The following SYT1 variants were observed in gnomAD, a reference collection of about 807,000 sequenced individuals.
The protein encoded by SYT1 is synaptotagmin-1.
A neutral mutation model predicts 44.8 loss-of-function variants in SYT1; 8 were observed. The observed-to-expected ratio is 0.18, with a 90% CI of 0.10 to 0.32. The LOEUF is 0.32. Ranked by LOEUF, SYT1 falls within the 10% of genes least tolerant of loss-of-function variation. SYT1 has a pLI of 1.00. For synonymous variants in SYT1, 154 were observed against 188.8 expected (o/e 0.82, Z 1.51); for missense variants, 286 against 509.3 (o/e 0.56, Z 4.22).
chr12:79,383,263 T>C (rs1407218772), intron 9 of SYT1, among the ~76,000 whole-genome samples: 1 of 152,220 alleles, frequency 6.6e-6, no homozygotes, highest in African/African-American at 2.4e-5. Context: ...AATATTATTG[T>C]ACTGAATATT....
chr12:78,929,312 G>A (rs531501873), intron 1 of SYT1, among the ~76,000 whole-genome samples: 3 of 145,478 alleles, frequency 2.1e-5, no homozygotes, highest in Non-Finnish European at 4.5e-5. Context: ...TGAGGCAGGA[G>A]AATTGCTTGA....
At chr12:79,061,985 A>G (rs1592712810) in intron 3 of SYT1, among the ~76,000 whole-genome samples, 1 of 152,162 alleles carries the variant, frequency 6.6e-6, no homozygotes, top group Non-Finnish European at 1.5e-5. Flanking sequence ...TAATTTTTTT[A>G]AAAAAGAATC....
At chr12:79,225,330 T>A (rs536003909) in intron 4 of SYT1, among the ~76,000 whole-genome samples, 1 of 152,238 alleles carries the variant, frequency 6.6e-6, no homozygotes, top group Non-Finnish European at 1.5e-5. Context: ...GAAGTTCAAG[T>A]TGATCTAAGA....
intron 1 of SYT1, among the ~76,000 whole-genome samples, chr12:78,910,312 C>T (rs1288283174): frequency 6.6e-6 from 1 of 151,926 alleles, no homozygotes; most frequent in Admixed American, 6.6e-5. Flanking sequence ...CCCTGACCTC[C>T]TTGCCTAGTT....
At chr12:79,350,994 C>G (rs936105090) in intron 8 of SYT1, among the ~76,000 whole-genome samples, 1 of 152,152 alleles carries the variant, frequency 6.6e-6, no homozygotes, top group Non-Finnish European at 1.5e-5. Context: ...ACTACACATT[C>G]AATTTGGCAT....
At chr12:79,141,891 T>G (rs905747365) in intron 3 of SYT1, among the ~76,000 whole-genome samples, 3 of 152,208 alleles carry the variant, frequency 2.0e-5, no homozygotes, top group Non-Finnish European at 4.4e-5. Flanking sequence ...AAACAGTGTA[T>G]GTCATTGGCT....
At chr12:79,106,212 C>T (rs920935268) in intron 3 of SYT1, among the ~76,000 whole-genome samples, 6 of 152,106 alleles carry the variant, frequency 3.9e-5, no homozygotes, top group African/African-American at 9.7e-5. Flanking sequence ...CTGCAGCTTT[C>T]AGATTGCCGG....
intron 9 of SYT1, among the ~76,000 whole-genome samples, chr12:79,367,624 G>A (rs548711801): frequency 4.6e-5 from 7 of 151,696 alleles, no homozygotes; most frequent in East Asian, 3.9e-4. Flanking sequence ...CTTTCCTCTC[G>A]ATGAAATTTC....
intron 1 of SYT1, among the ~76,000 whole-genome samples, chr12:78,939,136 A>G (rs1351351341): frequency 6.6e-6 from 1 of 152,218 alleles, no homozygotes; most frequent in African/African-American, 2.4e-5. Context: ...TAGTTTTTAA[A>G]AAAAATAAAA....
chr12:79,129,038 G>T (rs2138168134), intron 3 of SYT1, among the ~76,000 whole-genome samples: 1 of 152,232 alleles, frequency 6.6e-6, no homozygotes, highest in East Asian at 1.9e-4. Flanking sequence ...GTCATTTTAT[G>T]TTAGAGGAGC....
At chr12:79,304,375 C>G (rs35864773) in intron 8 of SYT1, among the ~76,000 whole-genome samples, 10,537 of 152,230 alleles carry the variant, frequency 0.069, 394 homozygotes, top group Non-Finnish European at 0.084. Flanking sequence ...TGTCCTAGCT[C>G]TGAATGCTGA....
At chr12:79,446,073 C>G (rs1016426229) in intron 10 of SYT1, among the ~76,000 whole-genome samples, 1 of 127,006 alleles carries the variant, frequency 7.9e-6, no homozygotes, top group Non-Finnish European at 1.6e-5. Flanking sequence ...TGTATGTAAT[C>G]TCATTTCATA....
At chr12:79,183,000 A>G (rs1592831477) in intron 3 of SYT1, among the ~76,000 whole-genome samples, 1 of 152,266 alleles carries the variant, frequency 6.6e-6, no homozygotes, top group South Asian at 2.1e-4. Context: ...AGTAAGAACC[A>G]AATGTGTTAT....
At chr12:79,040,718 T>G (rs938286784) in intron 2 of SYT1, among the ~76,000 whole-genome samples, 1 of 152,232 alleles carries the variant, frequency 6.6e-6, no homozygotes, top group Non-Finnish European at 1.5e-5. Context: ...TACTGAATGG[T>G]AATGCCTAAG....
At chr12:78,949,229 A>G (rs1471574577) in intron 1 of SYT1, among the ~76,000 whole-genome samples, 2 of 151,674 alleles carry the variant, frequency 1.3e-5, no homozygotes, top group African/African-American at 4.8e-5. Flanking sequence ...TAGTTGTACC[A>G]TAGAACATAA....
intron 9 of SYT1, among the ~76,000 whole-genome samples, chr12:79,362,742 A>C (rs1883367160): frequency 6.6e-6 from 1 of 152,190 alleles, no homozygotes; most frequent in Non-Finnish European, 1.5e-5. Flanking sequence ...ACATCCCACA[A>C]TACTAGAATC....
chr12:79,274,332 G>A (rs1878595595), intron 4 of SYT1, among the ~76,000 whole-genome samples: 2 of 152,158 alleles, frequency 1.3e-5, no homozygotes, highest in South Asian at 4.1e-4. Context: ...TGAACTGCCT[G>A]AGATTCCGCT....
intron 3 of SYT1, among the ~76,000 whole-genome samples, chr12:79,140,587 C>T (rs541456133): frequency 3.5e-4 from 54 of 152,262 alleles, no homozygotes; most frequent in African/African-American, 1.2e-3. Flanking sequence ...CGTTACCATG[C>T]AGGGTTCTAC....
At chr12:79,381,037 A>G (rs1884198772) in intron 9 of SYT1, among the ~76,000 whole-genome samples, 1 of 152,196 alleles carries the variant, frequency 6.6e-6, no homozygotes, top group Non-Finnish European at 1.5e-5. Context: ...TACTGTCATT[A>G]TCAACAATTT....
Sources: allele counts gnomAD v4.1 joint callset (sites outside exome capture counted in the v4.1 genomes callset), GRCh38; gene constraint gnomAD v4.1.1; transcripts MANE v1.5; gene names NCBI Gene and HGNC (gene_info 2026-07-23, HGNC 2026-07-21).